Variants in ARID4A observed in about 807,000 individuals in gnomAD.
ARID4A encodes the protein AT-rich interaction domain 4A, also known as AT-rich interactive domain-containing protein 4A.
Under a neutral mutation model 148.6 loss-of-function variants are expected in ARID4A, and 39 were observed. That is an observed-to-expected ratio of 0.26 (90% confidence interval 0.20 to 0.34). ARID4A has a LOEUF of 0.34. Among genes scored for constraint, ARID4A ranks in the 10% least tolerant of loss-of-function variants. The pLI, the probability that ARID4A is intolerant of heterozygous loss-of-function variation, is 1.00. For missense variants in ARID4A, 1,265 were observed against 1,449.1 expected (o/e 0.87, Z 2.06); for synonymous variants, 475 against 481.2 (o/e 0.99, Z 0.17).
chr14:58,323,312 A>G (rs986641291), intron 7 of ARID4A, among the ~76,000 whole-genome samples, 173 bp from the exon 8 acceptor site: 4 of 152,172 alleles, frequency 2.6e-5, no homozygotes, highest in Admixed American at 1.3e-4. Flanking sequence ...TCAGGACTAC[A>G]TACCTCTGTG....
At chr14:58,363,575 TA>T (rs2035226184) in intron 19 of ARID4A, among the ~76,000 whole-genome samples, 1 of 151,984 alleles carries the variant, frequency 6.6e-6, no homozygotes, top group African/African-American at 2.4e-5. Context: ...GGCCTGCGCC[TA>T]TCCCAGCTCC....
chr14:58,361,050 A>C lies in ARID4A; in HGVS notation c.2080+8A>C, dbSNP rs2035112912. On this transcript the variant is annotated splice_region_variant and intron_variant, in intron 19 of 23. Coordinates refer to ENST00000355431, the MANE Select transcript of ARID4A (RefSeq NM_002892.4). Reference sequence around the variant, plus strand: ...ACAGTGAAGGAAAATCAGGTACCAGAAGTGCTCGCAGCAATATACCAGACA... The same window carrying C: ...ACAGTGAAGGAAAATCAGGTACCAGCAGTGCTCGCAGCAATATACCAGACA... 6.2e-7 allele frequency: 1 copy of C among 1,612,854 alleles called. No homozygotes were observed. Among genetic ancestry groups the C allele is most frequent in the African/African-American group, 1.3e-5 (1 of 74,866 alleles).
intron 5 of ARID4A, among the ~76,000 whole-genome samples, chr14:58,308,437 A>G (rs940839916): frequency 1.3e-5 from 2 of 152,242 alleles, no homozygotes; most frequent in East Asian, 3.8e-4. Flanking sequence ...AAAAACAGGG[A>G]AAAACAGATT....
intron 11 of ARID4A, among the ~76,000 whole-genome samples, chr14:58,337,095 T>C (rs1473536541): frequency 6.6e-6 from 1 of 150,686 alleles, no homozygotes; most frequent in Non-Finnish European, 1.5e-5. Context: ...TTTCACCATG[T>C]TGGCCAGGCT....
intron 5 of ARID4A, 96 bp from the exon 6 acceptor site, chr14:58,318,446 T>C: frequency 8.6e-7 from 1 of 1,167,998 alleles, no homozygotes; most frequent in Non-Finnish European, 1.3e-6. Flanking sequence ...CTTACAAATA[T>C]TAAGCTCTAA....
intron 11 of ARID4A, among the ~76,000 whole-genome samples, chr14:58,342,452 C>T (rs899995978): frequency 2.6e-5 from 4 of 152,112 alleles, no homozygotes; most frequent in African/African-American, 9.7e-5. Context: ...AAAATATATT[C>T]TTAACATTAA....
intron 19 of ARID4A, 56 bp from the exon 20 acceptor site, chr14:58,364,113 TA>T: frequency 2.2e-6 from 2 of 917,976 alleles, no homozygotes; most frequent in Non-Finnish European, 2.9e-6. Context: ...ATTTTTATTG[TA>T]AAATTACATT....
rs761991875 is a variant in ARID4A at position 58,360,997 on chromosome 14, A to G, written c.2035A>G (p.Met679Val). The change falls in exon 19 of 24, where the codon ATG (methionine) becomes GTG (valine). Residue 679 changes from methionine to valine, a missense_variant. Physicochemically the swap from Met to Val is conservative, Grantham distance 21 (BLOSUM62 1). Transcript: ENST00000355431. ...TTTAAAATCAACCCTCTCATCAAAC[A>G]TGCCGTATGGCTTATCTAAGACAGC... is the stretch of plus-strand genomic sequence containing the variant. ...PPLKSTLSSN[M>V]PYGLSKTANS... The G allele has an allele frequency of 4.2e-5, 67 of 1,614,034 alleles. No individual in the cohort carries two copies. Among genetic ancestry groups the G allele is most frequent in the Admixed American group, 1.3e-4 (8 of 59,996 alleles).
chr14:58,355,120 T>C (rs1209233812), intron 17 of ARID4A, among the ~76,000 whole-genome samples: 1 of 152,200 alleles, frequency 6.6e-6, no homozygotes, highest in African/African-American at 2.4e-5. Context: ...GGGCTGCCTT[T>C]CTTGTTCTCT....
chr14:58,360,141 A>AT (rs1231752744), intron 18 of ARID4A, among the ~76,000 whole-genome samples: 1 of 152,204 alleles, frequency 6.6e-6, no homozygotes, highest in African/African-American at 2.4e-5. Context: ...CTTAAAACTA[A>AT]CACATTACCA....
chr14:58,359,107 C>CTTT lies in ARID4A; in HGVS notation c.1854-6_1854-4dup, dbSNP rs752553814. The CTTT allele has an allele frequency of 1.7e-3, 2,189 of 1,296,134 alleles. 1 individual carries two copies. The highest frequency in any genetic ancestry group is 5.9e-3 in the South Asian group (378 of 64,604). The allele number at this position is 1,296,134 out of a possible 1,614,324, so 80.3% of individuals were successfully genotyped here. On this transcript the variant is annotated intron_variant, in intron 17 of 23. Transcript: ENST00000355431. Reference sequence around the variant, plus strand: ...ATAATGTATAAAGTTTGTACAAACTCTTTTTTTTTTTTTTTTTTTTTAAGG... The same window carrying CTTT: ...ATAATGTATAAAGTTTGTACAAACTCTTTTTTTTTTTTTTTTTTTTTTTTAAGG...
intron 1 of ARID4A, chr14:58,299,189 C>G (rs1319428983): frequency 6.6e-6 from 1 of 152,388 alleles, no homozygotes; most frequent in African/African-American, 2.4e-5. Context: ...CCCTCCTCCT[C>G]CCCTCCGCCC....
At chr14:58,307,220 G>A (rs902701161) in intron 5 of ARID4A, among the ~76,000 whole-genome samples, 1 of 152,054 alleles carries the variant, frequency 6.6e-6, no homozygotes, top group African/African-American at 2.4e-5. Context: ...TGGTTTTCTT[G>A]TAGAAATAAA....
In ARID4A at chr14:58,372,956, A is replaced by T. The variant is rs2035670928; in HGVS notation, c.*967A>T. 5.3e-6 allele frequency: 1 copy of T among 188,552 alleles called. No homozygotes were observed. Among genetic ancestry groups the T allele is most frequent in the South Asian group, 1.9e-4 (1 of 5,148 alleles). 11.7% of individuals were successfully genotyped at this position (188,552 alleles called of 1,614,324 possible). A position where few individuals can be genotyped will look rare whatever the true frequency, so the allele number is the denominator to read the frequency against. On this transcript the variant is annotated 3_prime_UTR_variant, in exon 24 of 24. Coordinates refer to ENST00000355431, the MANE Select transcript of ARID4A (RefSeq NM_002892.4). ...AATTCTAGGTTAATTCACTCTTTGG[A>T]TGACAATAGCTCTCAGCTGTCCTTT...
Position 58,299,838 on chromosome 14 carries a change from A to C in ARID4A, c.-17A>C. The C allele has an allele frequency of 6.2e-7, 1 of 1,614,172 alleles. No individual in the cohort carries two copies. The highest frequency in any genetic ancestry group is 1.1e-5 in the South Asian group (1 of 91,090). On this transcript the variant is annotated 5_prime_UTR_variant, in exon 2 of 24. Coordinates refer to ENST00000355431, the MANE Select transcript of ARID4A (RefSeq NM_002892.4). ...AGATAGCTCGCTGAGCTGGAACCCC[A>C]CAGATCACCAACAAAAATGAAGGTA...
At chr14:58,357,125 T>G (rs193271665) in intron 17 of ARID4A, among the ~76,000 whole-genome samples, 3 of 152,322 alleles carry the variant, frequency 2.0e-5, no homozygotes, top group Admixed American at 2.0e-4. Flanking sequence ...GTGTATTCAA[T>G]AAATTACATG....
intron 11 of ARID4A, among the ~76,000 whole-genome samples, chr14:58,337,663 T>C (rs577271881): frequency 1.5e-4 from 23 of 152,340 alleles, no homozygotes; most frequent in Admixed American, 5.2e-4. Context: ...TTTGTGAGTT[T>C]ATAAAATAAA....
At chr14:58,349,622 GA>G (rs1490759953) in intron 15 of ARID4A, among the ~76,000 whole-genome samples, 1 of 152,132 alleles carries the variant, frequency 6.6e-6, no homozygotes, top group Non-Finnish European at 1.5e-5. Context: ...GCTGAGGCAG[GA>G]GAAGTGCTTG....
chr14:58,310,817 A>G (rs933677674), intron 5 of ARID4A, among the ~76,000 whole-genome samples: 7 of 152,110 alleles, frequency 4.6e-5, no homozygotes, highest in Non-Finnish European at 7.3e-5. Flanking sequence ...AGCAAAAGAA[A>G]CAATCCAGAG....
Sources: gnomAD v4.1 joint callset for allele counts (sites outside exome capture counted in the v4.1 genomes callset) on GRCh38, gnomAD v4.1.1 for gene constraint, MANE v1.5 for transcripts, NCBI Gene and HGNC (gene_info 2026-07-23, HGNC 2026-07-21) for gene names.